Variants in CHD8 observed in about 807,000 individuals in gnomAD.
The protein encoded by CHD8 is chromodomain helicase DNA binding protein 8.
In CHD8, 31 loss-of-function variants were observed where a neutral mutation model predicts 279.2. That is an observed-to-expected ratio of 0.11 (90% confidence interval 0.08 to 0.15). The LOEUF is 0.15. CHD8 is among the 10% of genes least tolerant of loss of function. The pLI, the probability that CHD8 is intolerant of heterozygous loss-of-function variation, is 1.00. For missense variants in CHD8, 2,146 were observed against 3,230.5 expected (o/e 0.66, Z 8.14); for synonymous variants, 1,081 against 1,139.6 (o/e 0.95, Z 1.04).
At chr14:21,436,789 TAG>T (rs1026678732) in intron 1 of CHD8, 3 of 404,664 alleles carry the variant, frequency 7.4e-6, no homozygotes, top group African/African-American at 2.2e-5. Context: ...AAGAAGAAAC[TAG>T]AGAGATTCTG....
intron 5 of CHD8, chr14:21,416,686 A>G (rs1028083088): frequency 6.6e-6 from 1 of 152,250 alleles, no homozygotes; most frequent in Non-Finnish European, 1.5e-5. Context: ...TGAAAGAACT[A>G]CTGAAACTAG....
In CHD8 at chr14:21,405,095, C is replaced by T. The variant is rs536090596; in HGVS notation, c.3307+114G>A. 34 of 989,414 alleles carry T rather than the reference C, an allele frequency of 3.4e-5. 1 individual carries two copies. The highest frequency in any genetic ancestry group is 3.1e-4 in the Middle Eastern group (1 of 3,248). 61.3% of individuals were successfully genotyped at this position (989,414 alleles called of 1,614,324 possible). A position where few individuals can be genotyped will look rare whatever the true frequency, so the allele number is the denominator to read the frequency against. ...ACCATTTCCCTCCCATTCCTCAGTC[C>T]GCACCCCAAATTAGGTTGGTTGAGT... On this transcript the variant is annotated intron_variant, in intron 16 of 37. Transcript: ENST00000646647. The surrounding 1 kb of genome is among the most constrained non-coding windows in gnomAD (Gnocchi z 4.2).
At chr14:21,401,189 T>A in intron 21 of CHD8, 118 bp from the exon 22 acceptor site, 1 of 920,558 alleles carries the variant, frequency 1.1e-6, no homozygotes, top group South Asian at 1.8e-5. Context: ...AGAGATTTTT[T>A]TAAATGACAT....
In CHD8 at chr14:21,399,966, A is replaced by G. The variant is rs764646557; in HGVS notation, c.4817+15T>C. 60 of 1,606,314 alleles carry G rather than the reference A, an allele frequency of 3.7e-5. 1 individual carries two copies. Among genetic ancestry groups the G allele is most frequent in the Non-Finnish European group, 4.9e-5 (57 of 1,174,330 alleles). On this transcript the variant is annotated intron_variant, in intron 25 of 37. Coordinates refer to ENST00000646647, the MANE Select transcript of CHD8 (RefSeq NM_001170629.2). Reference sequence around the variant, plus strand: ...AAGGTAGGGCATAAATCAAAAAAATATAGCAGAATTTTACCTGGCAATCGC... The same window carrying G: ...AAGGTAGGGCATAAATCAAAAAAATGTAGCAGAATTTTACCTGGCAATCGC...
intron 7 of CHD8, chr14:21,415,220 G>T: frequency 2.1e-6 from 1 of 485,668 alleles, no homozygotes; most frequent in Non-Finnish European, 3.6e-6. Flanking sequence ...CAGTAAAGCA[G>T]TTCCTGTTTT....
At chr14:21,442,704 GAGA>G in intron 1 of CHD8, among the ~76,000 whole-genome samples, 1 of 94,170 alleles carries the variant, frequency 1.1e-5, no homozygotes. Context: ...GGGAGGAGAG[GAGA>G]GGAGAGGAGA....
intron 1 of CHD8, among the ~76,000 whole-genome samples, chr14:21,453,001 CA>C (rs1890295743): frequency 6.7e-6 from 1 of 149,826 alleles, no homozygotes; most frequent in Non-Finnish European, 1.5e-5. Flanking sequence ...AAAAAGAAAA[CA>C]AAAAACAAAG....
intron 9 of CHD8, chr14:21,414,074 G>C (rs1326958239): frequency 8.7e-6 from 4 of 458,084 alleles, no homozygotes; most frequent in Middle Eastern, 5.5e-4. Flanking sequence ...CATGTGCATT[G>C]AGGAAATCAG....
chr14:21,415,878 T>G lies in CHD8; in HGVS notation c.1746A>C (p.Arg582=), dbSNP rs778827521. The G allele has an allele frequency of 6.2e-7, 1 of 1,613,816 alleles. No individual in the cohort carries two copies. The highest frequency in any genetic ancestry group is 1.1e-5 in the South Asian group (1 of 91,038). ...QKRRSNRQVK[R]KKYTEDLDIK... is the part of the protein sequence containing the mutation. Reference sequence around the variant, plus strand: ...TATCCAGGTCCTCTGTATATTTTTTTCGCTTAACTTGGCGGTTTGAGCGTC... The same window carrying G: ...TATCCAGGTCCTCTGTATATTTTTTGCGCTTAACTTGGCGGTTTGAGCGTC... The change falls in exon 6 of 38, where the codon CGA becomes CGC. Residue 582 remains arginine (R), a synonymous_variant. Coordinates refer to ENST00000646647, the MANE Select transcript of CHD8 (RefSeq NM_001170629.2).
intron 5 of CHD8, among the ~76,000 whole-genome samples, chr14:21,422,978 T>C (rs1889117405): frequency 6.6e-6 from 1 of 151,978 alleles, no homozygotes; most frequent in Non-Finnish European, 1.5e-5. Flanking sequence ...TGCCAGCATT[T>C]TGGGAGGCCG....
In CHD8 at chr14:21,385,478, T is replaced by TC; in HGVS notation, c.*134_*135insG. ...TGGGAGCAATCAGGTACATTTTTTT[T>TC]TTTTTTTCCTTTTCACCTCCTGGAG... On this transcript the variant is annotated 3_prime_UTR_variant, in exon 38 of 38. Coordinates refer to ENST00000646647, the MANE Select transcript of CHD8 (RefSeq NM_001170629.2). 7.3e-7 allele frequency: 1 copy of TC among 1,368,692 alleles called. No individual in the cohort carries two copies. Among genetic ancestry groups the TC allele is most frequent in the East Asian group, 2.5e-5 (1 of 39,254 alleles). The allele number at this position is 1,368,692 out of a possible 1,614,324, so 84.8% of individuals were successfully genotyped here.
intron 36 of CHD8, 21 bp downstream of exon 36, chr14:21,391,442 C>T (rs1356007782): frequency 1.2e-6 from 2 of 1,608,852 alleles, no homozygotes; most frequent in Admixed American, 3.4e-5. Context: ...TTAAATCTTG[C>T]TGGATGGGAC....
chr14:21,430,923 G>T lies in CHD8; in HGVS notation c.721C>A (p.Pro241Thr). The change falls in exon 2 of 38, where the codon CCC (proline) becomes ACC (threonine). Residue 241 changes from proline to threonine, a missense_variant. Coordinates refer to ENST00000646647, the MANE Select transcript of CHD8 (RefSeq NM_001170629.2). Reference sequence around the variant, plus strand: ...ACCAGCTGCTTTACTGGTCGGCTGGGCTGGACAATGCGCTGAACAGCAGCC... The same window carrying T: ...ACCAGCTGCTTTACTGGTCGGCTGGTCTGGACAATGCGCTGAACAGCAGCC... ...NQAAVQRIVQ[P>T]SRPVKQLVLQ... The T allele has an allele frequency of 4.4e-6, 7 of 1,599,516 alleles. No homozygotes were observed. The highest frequency in any genetic ancestry group is 5.9e-6 in the Non-Finnish European group (7 of 1,179,788).
rs1566410285 is a variant in CHD8 at position 21,391,660 on chromosome 14, A to AC, written c.6886-19dup. The AC allele has an allele frequency of 1.0e-6, 1 of 957,774 alleles. No homozygotes were observed. The highest frequency in any genetic ancestry group is 1.4e-5 in the South Asian group (1 of 71,394). The allele number at this position is 957,774 out of a possible 1,614,324, so 59.3% of individuals were successfully genotyped here. A position where few individuals can be genotyped will look rare whatever the true frequency, so the allele number is the denominator to read the frequency against. ...ACCTCCAGCTGCAAACCCAGAATCCACCCCCATGAGCACATACTCTTCTTT... is the reference window on the plus strand; with the variant it reads ...ACCTCCAGCTGCAAACCCAGAATCCACCCCCCATGAGCACATACTCTTCTTT... On this transcript the variant is annotated intron_variant, in intron 35 of 37. Coordinates refer to ENST00000646647, the MANE Select transcript of CHD8 (RefSeq NM_001170629.2).
chr14:21,393,448 G>A, intron 32 of CHD8, 28 bp downstream of exon 32: 1 of 1,526,898 alleles, frequency 6.5e-7, no homozygotes, highest in Non-Finnish European at 8.8e-7. Flanking sequence ...ATAGGGAAGG[G>A]GGCCAACAGC....
intron 16 of CHD8, chr14:21,404,900 C>T (rs527582997): frequency 1.8e-4 from 50 of 274,270 alleles, no homozygotes; most frequent in South Asian, 1.6e-3. Flanking sequence ...GGTGTGATCT[C>T]GGCTCACTGC....
Position 21,385,408 on chromosome 14 carries a change from T to G in CHD8, c.*205A>C. The G allele has an allele frequency of 2.0e-5, 14 of 717,166 alleles. No individual in the cohort carries two copies. Among genetic ancestry groups the G allele is most frequent in the East Asian group, 2.9e-5 (1 of 34,316 alleles). 44.4% of individuals were successfully genotyped at this position (717,166 alleles called of 1,614,324 possible). A position where few individuals can be genotyped will look rare whatever the true frequency, so the allele number is the denominator to read the frequency against. ...TTCCCCAGAAATGAGGAAGTGGTCA[T>G]GTATTATTTTAGGAGTTCCCCTGCC... On this transcript the variant is annotated 3_prime_UTR_variant, in exon 38 of 38. Coordinates refer to ENST00000646647, the MANE Select transcript of CHD8 (RefSeq NM_001170629.2).
intron 5 of CHD8, among the ~76,000 whole-genome samples, chr14:21,423,636 A>T (rs1461110519): frequency 6.6e-6 from 1 of 152,088 alleles, no homozygotes; most frequent in East Asian, 1.9e-4. Context: ...TCCTGGGCTC[A>T]AGAGATCCTC....
chr14:21,391,989 GT>G (rs778312940), intron 34 of CHD8, 43 bp from the exon 35 acceptor site: 1 of 1,361,028 alleles, frequency 7.3e-7, no homozygotes, highest in Non-Finnish European at 1.1e-6. Context: ...TATGGTACAT[GT>G]TTTTCAAAGT....
Sources: allele counts gnomAD v4.1 joint callset (sites outside exome capture counted in the v4.1 genomes callset), GRCh38; gene constraint gnomAD v4.1.1; non-coding constraint Gnocchi (gnomAD v3.1); transcripts MANE v1.5; gene names NCBI Gene and HGNC (gene_info 2026-07-23, HGNC 2026-07-21).